STX8: variants seen among roughly 807,000 people sequenced by gnomAD.
The protein encoded by STX8 is syntaxin-8.
STX8 carries 23 observed loss-of-function variants against 37.5 expected under a neutral mutation model. The ratio of observed to expected loss-of-function variants is 0.61; its 90% CI spans 0.44 to 0.87. STX8 has a LOEUF of 0.87. STX8 is among the 40% of genes least tolerant of loss of function. STX8 has a pLI of 0.00. For synonymous variants in STX8, 115 were observed against 99.1 expected (o/e 1.16, Z -0.95); for missense variants, 313 against 284.7 (o/e 1.10, Z -0.71).
At chr17:9,341,846 G>C (rs989264352) in intron 7 of STX8, among the ~76,000 whole-genome samples, 1 of 152,174 alleles carries the variant, frequency 6.6e-6, no homozygotes, top group Non-Finnish European at 1.5e-5. Context: ...GCTAGGTTTG[G>C]GGGAGAAGAA....
At chr17:9,426,186 C>T (rs1401077882) in intron 6 of STX8, among the ~76,000 whole-genome samples, 2 of 152,130 alleles carry the variant, frequency 1.3e-5, no homozygotes, top group Non-Finnish European at 2.9e-5. Flanking sequence ...GTAATCTTAG[C>T]ACTTGGGGAA....
intron 4 of STX8, among the ~76,000 whole-genome samples, chr17:9,527,021 T>C (rs561828217): frequency 7.1e-6 from 1 of 141,772 alleles, no homozygotes; most frequent in African/African-American, 2.6e-5. Flanking sequence ...CTACTAAAAA[T>C]ACAAAAAATT....
At chr17:9,252,029 G>A (rs1221393074) in intron 7 of STX8, among the ~76,000 whole-genome samples, 1 of 151,890 alleles carries the variant, frequency 6.6e-6, no homozygotes, top group Non-Finnish European at 1.5e-5. Context: ...AATAGGCCGG[G>A]CACGGTGCCT....
chr17:9,462,676 T>C (rs1905447662), intron 6 of STX8, among the ~76,000 whole-genome samples: 1 of 151,640 alleles, frequency 6.6e-6, no homozygotes, highest in Non-Finnish European at 1.5e-5. Context: ...TGAGCCGAGA[T>C]CACACCACTG....
At chr17:9,431,240 T>G (rs999484717) in intron 6 of STX8, among the ~76,000 whole-genome samples, 3 of 48,400 alleles carry the variant, frequency 6.2e-5, no homozygotes, top group South Asian at 7.1e-4. Context: ...TATTTTTCTG[T>G]TTTTTTTTTT....
intron 1 of STX8, among the ~76,000 whole-genome samples, chr17:9,571,706 G>C (rs1433798106): frequency 2.0e-5 from 3 of 151,842 alleles, no homozygotes; most frequent in African/African-American, 4.8e-5. Context: ...CCTGAGGTCA[G>C]GAGTTCAAGA....
At chr17:9,318,675 C>T (rs891916023) in intron 7 of STX8, among the ~76,000 whole-genome samples, 3 of 152,042 alleles carry the variant, frequency 2.0e-5, no homozygotes, top group Non-Finnish European at 2.9e-5. Flanking sequence ...ATTAAAGCTC[C>T]GAAGATAAAC....
At chr17:9,350,496 G>A (rs1597619111) in intron 7 of STX8, among the ~76,000 whole-genome samples, 1 of 152,008 alleles carries the variant, frequency 6.6e-6, no homozygotes, top group South Asian at 2.1e-4. Flanking sequence ...TGCCTAATGC[G>A]ACATCTTGCT....
intron 7 of STX8, among the ~76,000 whole-genome samples, chr17:9,339,882 T>C (rs1910282013): frequency 6.6e-6 from 1 of 152,240 alleles, no homozygotes. Context: ...CTGACTATTA[T>C]TATGAATGCT....
intron 7 of STX8, among the ~76,000 whole-genome samples, chr17:9,291,545 TC>T (rs1908312782): frequency 6.6e-6 from 1 of 152,132 alleles, no homozygotes; most frequent in Non-Finnish European, 1.5e-5. Flanking sequence ...CAAGATTCTA[TC>T]CTCAGTGCTA....
rs192053043 is a variant in STX8, at chr17:9,490,028, G to A, written c.541+1801C>T. Among the ~76,000 whole-genome samples, 229 of 152,222 alleles carry A rather than the reference G, an allele frequency of 1.5e-3. 1 individual carries two copies. The highest frequency in any genetic ancestry group is 5.4e-3 in the African/African-American group (223 of 41,540). ...CTTATCAATACTATCACTTAAGGAAGGAACTGACCAATAACTGAATTATAT... is the reference window on the plus strand; with the variant it reads ...CTTATCAATACTATCACTTAAGGAAAGAACTGACCAATAACTGAATTATAT... On this transcript the variant is annotated intron_variant, in intron 6 of 7. Transcript: ENST00000306357.
intron 6 of STX8, among the ~76,000 whole-genome samples, chr17:9,486,766 G>A (rs1294747471): frequency 2.0e-5 from 3 of 152,118 alleles, no homozygotes; most frequent in African/African-American, 2.4e-5. Context: ...GGCTGAGGTG[G>A]GAGGATCACT....
intron 5 of STX8, among the ~76,000 whole-genome samples, chr17:9,500,922 G>A (rs371706488): frequency 6.6e-6 from 1 of 152,038 alleles, no homozygotes; most frequent in East Asian, 1.9e-4. Context: ...GAAGAATGTC[G>A]TGAACCCAGG....
chr17:9,259,336 G>T (rs1299751140), intron 7 of STX8, among the ~76,000 whole-genome samples: 1 of 152,142 alleles, frequency 6.6e-6, no homozygotes, highest in Non-Finnish European at 1.5e-5. Context: ...ATTACACCCT[G>T]CCTGAAACGG....
intron 6 of STX8, among the ~76,000 whole-genome samples, chr17:9,475,113 A>G (rs1352086738): frequency 6.6e-6 from 1 of 152,228 alleles, no homozygotes; most frequent in East Asian, 1.9e-4. Context: ...ACAGTAGAGA[A>G]AGCACACATG....
intron 7 of STX8, among the ~76,000 whole-genome samples, chr17:9,273,040 A>G (rs1248091587): frequency 6.6e-6 from 1 of 152,218 alleles, no homozygotes; most frequent in Non-Finnish European, 1.5e-5. Flanking sequence ...AACAACAAAG[A>G]AGGAAGGGGG....
At chr17:9,527,078 C>G (rs11869965) in intron 4 of STX8, among the ~76,000 whole-genome samples, 64,046 of 143,760 alleles carry the variant, frequency 0.45, 14,708 homozygotes, top group South Asian at 0.67. Flanking sequence ...ACTCGGGAGG[C>G]TGAGGCAGGA....
At chr17:9,508,258 A>G (rs1904907769) in intron 4 of STX8, among the ~76,000 whole-genome samples, 1 of 152,212 alleles carries the variant, frequency 6.6e-6, no homozygotes, top group African/African-American at 2.4e-5. Flanking sequence ...CCTGGAGTGG[A>G]AGAATTCAAT....
chr17:9,290,827 G>A (rs974720308), intron 7 of STX8, among the ~76,000 whole-genome samples: 1 of 152,182 alleles, frequency 6.6e-6, no homozygotes, highest in South Asian at 2.1e-4. Flanking sequence ...TTGCCACCCA[G>A]TCCAGGACGT....
Sources: allele counts gnomAD v4.1 joint callset (sites outside exome capture counted in the v4.1 genomes callset), GRCh38; gene constraint gnomAD v4.1.1; transcripts MANE v1.5; gene names NCBI Gene and HGNC (gene_info 2026-07-23, HGNC 2026-07-21).